The following ZNF91 variants were observed in gnomAD, a reference collection of about 807,000 sequenced individuals.
ZNF91 encodes zinc finger protein 91, also known as zinc finger protein 91 (HPF7, HTF10).
In ZNF91, 7 loss-of-function variants were observed where a neutral mutation model predicts 12.6. That is an observed-to-expected ratio of 0.55 (90% CI 0.31 to 1.04). The LOEUF (loss-of-function observed/expected upper bound fraction) is 1.04, where lower values mean the gene tolerates loss of function less well. ZNF91 is among the 50% of genes least tolerant of loss of function. ZNF91 has a pLI of 0.05. For missense variants in ZNF91, 1,217 were observed against 1,385.4 expected (o/e 0.88, Z 1.93); for synonymous variants, 453 against 462.6 (o/e 0.98, Z 0.27).
At chr19:23,335,435 G>C (rs765604297), downstream of ZNF91, among the ~76,000 whole-genome samples, 7 of 152,222 alleles carry the variant, frequency 4.6e-5, no homozygotes, top group Non-Finnish European at 8.8e-5. Flanking sequence ...ACAGTCTACA[G>C]AGGCAGGCAG....
chr19:23,317,969 A>G (rs750185852), intron 1 of ZNF91, among the ~76,000 whole-genome samples: 7 of 152,160 alleles, frequency 4.6e-5, no homozygotes, highest in Non-Finnish European at 1.0e-4. Flanking sequence ...CTGTCCAGCA[A>G]CTAAGTGATT....
exon 4 of ZNF91, chr19:23,338,782 G>A (rs181935851): frequency 3.3e-5 from 5 of 152,116 alleles, no homozygotes; most frequent in East Asian, 1.9e-4. Flanking sequence ...GGTTGGGTGC[G>A]GTGGCTCACG....
rs537532764 is a variant in ZNF91, at chr19:23,391,113, CTG to C, written c.30+4210_30+4211del. 3.8e-3 allele frequency among the ~76,000 whole-genome samples: 574 copies of C among 152,336 alleles called. 9 individuals carry two copies. Among genetic ancestry groups the C allele is most frequent in the African/African-American group, 0.013 (551 of 41,578 alleles). ...TTTACAATGGTTGAATTAATGTACA[CTG>C]TTAACAGCAATGTATAAGTATTCCC... On this transcript the variant is annotated intron_variant, in intron 1 of 3. Transcript: ENST00000300619.
downstream of ZNF91, among the ~76,000 whole-genome samples, chr19:23,337,036 C>T (rs1968023868): frequency 6.6e-6 from 1 of 152,094 alleles, no homozygotes. Context: ...TAGTTACATG[C>T]ATAGATTGCA....
At chr19:23,393,318 C>T (rs976944360) in intron 1 of ZNF91, among the ~76,000 whole-genome samples, 34 of 152,274 alleles carry the variant, frequency 2.2e-4, no homozygotes, top group Non-Finnish European at 1.2e-4. Flanking sequence ...AGCCTCAGGG[C>T]ATCCACGTCC....
chr19:23,355,902 T>C (rs1392390107), downstream of ZNF91, among the ~76,000 whole-genome samples: 1 of 152,048 alleles, frequency 6.6e-6, no homozygotes, highest in Non-Finnish European at 1.5e-5. Flanking sequence ...TAAAAAATGG[T>C]TACCATCACT....
chr19:23,312,279 C>A (rs1967483773), upstream of ZNF91, among the ~76,000 whole-genome samples: 2 of 152,150 alleles, frequency 1.3e-5, no homozygotes. Flanking sequence ...GTGGGACTGT[C>A]ATATATATCT....
At chr19:23,350,596 C>A (rs1474139346) in intron 3 of ZNF91, among the ~76,000 whole-genome samples, 3 of 152,050 alleles carry the variant, frequency 2.0e-5, no homozygotes, top group Non-Finnish European at 4.4e-5. Context: ...TTTTCTATAA[C>A]CAAATAGACA....
intron 1 of ZNF91, chr19:23,324,761 G>A (rs765127405): frequency 2.6e-5 from 4 of 151,968 alleles, no homozygotes; most frequent in Non-Finnish European, 4.4e-5. Context: ...TTTTAGTGAC[G>A]GGGTCTCAAC....
rs1456535256 is a variant in ZNF91 at position 23,392,803 on chromosome 19, A to ATAAACAAATAAATAAG, written c.30+2521_30+2522insCTTATTTATTTGTTTA. Among the ~76,000 whole-genome samples, 916 of 152,076 alleles carry ATAAACAAATAAATAAG rather than the reference A, an allele frequency of 6.0e-3. 11 individuals are homozygous for ATAAACAAATAAATAAG. The highest frequency in any genetic ancestry group is 0.021 in the African/African-American group (867 of 41,466). ...GACAGAGCAAGATTTCGACTCATAA[A>ATAAACAAATAAATAAG]TAAGACAAAAAAAAACCCTTAGGTC... On this transcript the variant is annotated intron_variant, in intron 1 of 3. Transcript: ENST00000300619.
At chr19:23,368,562 C>CTCTCTCTCTCTATATA (rs768532900) in intron 3 of ZNF91, among the ~76,000 whole-genome samples, 3 of 118,574 alleles carry the variant, frequency 2.5e-5, no homozygotes, top group Admixed American at 9.1e-5. Context: ...CTCTCTCTCT[C>CTCTCTCTCTCTATATA]TATATATATA....
At chr19:23,336,759 ATTTAT>A (rs1405509690), downstream of ZNF91, among the ~76,000 whole-genome samples, 1 of 152,032 alleles carries the variant, frequency 6.6e-6, no homozygotes, top group Non-Finnish European at 1.5e-5. Flanking sequence ...TGCCTAAATT[ATTTAT>A]TTATTTATTC....
intron 2 of ZNF91, chr19:23,307,805 C>T (rs1305282542): frequency 6.6e-6 from 1 of 152,202 alleles, no homozygotes; most frequent in Non-Finnish European, 1.5e-5. Flanking sequence ...GGACCCAGCA[C>T]CAAGGTGATG....
chr19:23,355,141 C>T (rs1054640092), downstream of ZNF91, among the ~76,000 whole-genome samples: 1 of 152,086 alleles, frequency 6.6e-6, no homozygotes, highest in South Asian at 2.1e-4. Context: ...AAAAAAGAGC[C>T]TGCACAGCCA....
intron 3 of ZNF91, among the ~76,000 whole-genome samples, chr19:23,368,627 A>G (rs1250260200): frequency 6.6e-6 from 1 of 151,362 alleles, no homozygotes; most frequent in Non-Finnish European, 1.5e-5. Flanking sequence ...CATTAAATGC[A>G]TGAGCAACAA....
At chr19:23,334,265 T>A (rs143452617), downstream of ZNF91, among the ~76,000 whole-genome samples, 5 of 152,226 alleles carry the variant, frequency 3.3e-5, no homozygotes, top group East Asian at 9.7e-4. Context: ...AGAGTTGGCA[T>A]GATGAGAGAT....
At chr19:23,391,701 C>A (rs111365087) in intron 1 of ZNF91, among the ~76,000 whole-genome samples, 1 of 152,132 alleles carries the variant, frequency 6.6e-6, no homozygotes, top group Non-Finnish European at 1.5e-5. Context: ...ACTGCATCTG[C>A]GTGTGGGTTG....
chr19:23,384,711 G>C, intron 1 of ZNF91: 1 of 603,374 alleles, frequency 1.7e-6, no homozygotes, highest in Non-Finnish European at 3.0e-6. Flanking sequence ...TTCTTCAAGG[G>C]AACAATGAGC....
intron 1 of ZNF91, among the ~76,000 whole-genome samples, chr19:23,375,445 C>T (rs146933423): frequency 0.012 from 1,791 of 152,234 alleles, 32 homozygotes; most frequent in African/African-American, 0.041. Context: ...AGGCATGAGC[C>T]ACCATGCCTG....
Sources: allele counts gnomAD v4.1 joint callset (sites outside exome capture counted in the v4.1 genomes callset), GRCh38; gene constraint gnomAD v4.1.1; transcripts MANE v1.5; gene names NCBI Gene and HGNC (gene_info 2026-07-23, HGNC 2026-07-21).